Variants in GREB1L observed in about 807,000 individuals in gnomAD.
GREB1L encodes the protein GREB1-like protein.
GREB1L carries 17 observed loss-of-function variants against 200.8 expected under a neutral mutation model. That is an observed-to-expected ratio of 0.08 (90% CI 0.06 to 0.13). The LOEUF is 0.13. Among genes scored for constraint, GREB1L ranks in the 10% least tolerant of loss-of-function variants. The pLI is 1.00. For synonymous variants in GREB1L, 789 were observed against 893.0 expected, an observed-to-expected ratio of 0.88 and a Z score of 2.08; for missense variants, 1,657 against 2,367.7, an observed-to-expected ratio of 0.70 and a Z score of 6.23.
intron 7 of GREB1L, among the ~76,000 whole-genome samples, chr18:21,421,922 A>G (rs1045040114): frequency 3.9e-5 from 6 of 152,110 alleles, no homozygotes; most frequent in Admixed American, 2.6e-4. Context: ...ATTTTTTTCC[A>G]TTTTATTTCT....
intron 27 of GREB1L, among the ~76,000 whole-genome samples, chr18:21,511,871 T>C (rs943526283): frequency 6.6e-6 from 1 of 152,196 alleles, no homozygotes. Flanking sequence ...CTCAAACTGC[T>C]GGCCTCAAGT....
chr18:21,446,885 T>C (rs1336998120), intron 11 of GREB1L, among the ~76,000 whole-genome samples: 1 of 152,188 alleles, frequency 6.6e-6, no homozygotes, highest in Non-Finnish European at 1.5e-5. Context: ...AAAATCTCAG[T>C]CATTTCACAG....
At chr18:21,429,550 A>C (rs1012709675) in intron 7 of GREB1L, among the ~76,000 whole-genome samples, 1 of 151,818 alleles carries the variant, frequency 6.6e-6, no homozygotes, top group Non-Finnish European at 1.5e-5. Flanking sequence ...TAAGAAGTTG[A>C]GTTGGGAAAT....
intron 27 of GREB1L, among the ~76,000 whole-genome samples, chr18:21,510,646 G>A (rs1028136676): frequency 1.5e-4 from 23 of 152,292 alleles, no homozygotes; most frequent in Admixed American, 1.4e-3. Flanking sequence ...ATGCTTTTAT[G>A]AACACAGGTA....
chr18:21,381,018 G>A (rs1418895003), intron 2 of GREB1L, among the ~76,000 whole-genome samples: 13 of 152,136 alleles, frequency 8.5e-5, no homozygotes, highest in South Asian at 4.1e-4. Context: ...CGAGGTGGGC[G>A]GATCACAAGG....
At chr18:21,402,555 C>T (rs1310174254) in intron 6 of GREB1L, among the ~76,000 whole-genome samples, 1 of 148,460 alleles carries the variant, frequency 6.7e-6, no homozygotes, top group Non-Finnish European at 1.5e-5. Flanking sequence ...TTCTTTCTTA[C>T]ACGCTCTCAC....
chr18:21,514,998 C>T (rs1334465802), intron 28 of GREB1L, among the ~76,000 whole-genome samples: 1 of 152,194 alleles, frequency 6.6e-6, no homozygotes, highest in Non-Finnish European at 1.5e-5. Flanking sequence ...CTTTAAGCCC[C>T]TCCCAGCTCA....
intron 19 of GREB1L, among the ~76,000 whole-genome samples, chr18:21,492,214 C>T (rs191570836): frequency 2.3e-4 from 35 of 151,966 alleles, no homozygotes; most frequent in Non-Finnish European, 4.1e-4. Context: ...GGCATGGTGG[C>T]GGGCGCCTGT....
chr18:21,434,529 G>GTATATA (rs2033402400), intron 7 of GREB1L, among the ~76,000 whole-genome samples: 2 of 145,570 alleles, frequency 1.4e-5, no homozygotes, highest in African/African-American at 5.2e-5. Context: ...GTGTGTGTGT[G>GTATATA]TGTATATATA....
chr18:21,336,046 A>C (rs72881359), intron 1 of GREB1L, among the ~76,000 whole-genome samples: 1 of 152,188 alleles, frequency 6.6e-6, no homozygotes, highest in African/African-American at 2.4e-5. Context: ...GCAAGGCTGC[A>C]CTGACGTTCT....
chr18:21,401,361 G>A, intron 6 of GREB1L, 35 bp downstream of exon 6: 1 of 1,516,984 alleles, frequency 6.6e-7, no homozygotes, highest in Non-Finnish European at 8.9e-7. Context: ...GGGAGGGAAT[G>A]GAGATTTTAC....
chr18:21,400,132 C>T (rs2041257551), intron 5 of GREB1L, among the ~76,000 whole-genome samples: 1 of 151,100 alleles, frequency 6.6e-6, no homozygotes, highest in Admixed American at 6.6e-5. Flanking sequence ...GTTATGCCCT[C>T]ATCAGACACA....
chr18:21,317,078 T>C (rs1480512757), intron 1 of GREB1L, among the ~76,000 whole-genome samples: 2 of 152,094 alleles, frequency 1.3e-5, no homozygotes, highest in Non-Finnish European at 2.9e-5. Context: ...TCTTCTTTTC[T>C]AATATATTTT....
intron 7 of GREB1L, among the ~76,000 whole-genome samples, chr18:21,433,857 G>A (rs1160558806): frequency 6.6e-6 from 1 of 152,134 alleles, no homozygotes; most frequent in African/African-American, 2.4e-5. Context: ...AATCGATCTA[G>A]CTGTTCTGCT....
chr18:21,524,394 C>G lies in GREB1L; in HGVS notation c.*1573C>G, dbSNP rs1279647771. ...TTGAAGTGAACAATTCCTTTTAACC[C>G]CATTTTTAATTGTCCTTCAAAGAGG... On this transcript the variant is annotated 3_prime_UTR_variant, in exon 33 of 33. Transcript: ENST00000424526. The G allele has an allele frequency of 6.6e-6, 1 of 152,112 alleles. No individual in the cohort carries two copies. The highest frequency in any genetic ancestry group is 2.4e-5 in the African/African-American group (1 of 41,414). 9.4% of individuals were successfully genotyped at this position (152,112 alleles called of 1,614,324 possible). A position where few individuals can be genotyped will look rare whatever the true frequency, so the allele number is the denominator to read the frequency against.
chr18:21,462,567 A>G (rs2035088603), intron 15 of GREB1L, among the ~76,000 whole-genome samples: 1 of 152,166 alleles, frequency 6.6e-6, no homozygotes, highest in Non-Finnish European at 1.5e-5. Context: ...CTCCTGCCTC[A>G]GTCTCCAGAG....
intron 23 of GREB1L, among the ~76,000 whole-genome samples, chr18:21,504,267 G>A (rs936412745): frequency 1.5e-5 from 1 of 68,796 alleles, no homozygotes; most frequent in Non-Finnish European, 2.7e-5. Flanking sequence ...GGGCAGGGTG[G>A]CTCACACCTG....
chr18:21,377,996 A>T (rs2040146412), intron 2 of GREB1L, among the ~76,000 whole-genome samples: 1 of 152,130 alleles, frequency 6.6e-6, no homozygotes, highest in Non-Finnish European at 1.5e-5. Flanking sequence ...CAAAGTGATG[A>T]GATTACAGGT....
At chr18:21,282,331 A>G (rs1425010557) in intron 1 of GREB1L, among the ~76,000 whole-genome samples, 2 of 152,108 alleles carry the variant, frequency 1.3e-5, no homozygotes, top group Admixed American at 6.5e-5. Context: ...TAGATCTATA[A>G]AGTATAAATG....
Sources: allele counts gnomAD v4.1 joint callset (sites outside exome capture counted in the v4.1 genomes callset), GRCh38; gene constraint gnomAD v4.1.1; transcripts MANE v1.5; gene names NCBI Gene and HGNC (gene_info 2026-07-23, HGNC 2026-07-21).